SLC35F3: variants seen among roughly 807,000 people sequenced by gnomAD.
SLC35F3 encodes putative thiamine transporter SLC35F3.
Under a neutral mutation model 49.9 loss-of-function variants are expected in SLC35F3, and 25 were observed. The observed-to-expected ratio is 0.50, with a 90% CI of 0.37 to 0.70. SLC35F3 has a LOEUF of 0.70. Ranked by LOEUF, SLC35F3 falls within the 30% of genes least tolerant of loss-of-function variation. The pLI is 0.00. For missense variants in SLC35F3, 525 were observed against 639.8 expected, an observed-to-expected ratio of 0.82 and a Z score of 1.94; for synonymous variants, 275 against 265.4, an observed-to-expected ratio of 1.04 and a Z score of -0.35.
chr1:234,210,826 C>T (rs1667036716), intron 2 of SLC35F3, among the ~76,000 whole-genome samples: 1 of 152,218 alleles, frequency 6.6e-6, no homozygotes, highest in Non-Finnish European at 1.5e-5. Context: ...AAGCCAACTG[C>T]AGAAATTTGC....
chr1:233,922,486 CTTTTTT>C (rs35271789), intron 2 of SLC35F3, among the ~76,000 whole-genome samples: 9 of 112,332 alleles, frequency 8.0e-5, no homozygotes, highest in African/African-American at 2.9e-4. Flanking sequence ...TTTTGATGGC[CTTTTTT>C]TTTTTTTTTT....
At chr1:234,022,217 C>A (rs1663906773) in intron 2 of SLC35F3, among the ~76,000 whole-genome samples, 1 of 115,410 alleles carries the variant, frequency 8.7e-6, no homozygotes, top group Admixed American at 8.8e-5. Flanking sequence ...GGGGTCACTC[C>A]CTGTATTAGT....
chr1:234,077,154 G>A (rs1664805133), intron 2 of SLC35F3, among the ~76,000 whole-genome samples: 2 of 151,422 alleles, frequency 1.3e-5, no homozygotes, highest in African/African-American at 4.9e-5. Context: ...ACAGGCGCCC[G>A]CCACCGCGCC....
intron 2 of SLC35F3, among the ~76,000 whole-genome samples, chr1:234,186,011 A>G (rs780469848): frequency 6.6e-6 from 1 of 152,196 alleles, no homozygotes; most frequent in Non-Finnish European, 1.5e-5. Flanking sequence ...AGTGCCGCGT[A>G]GACAGTTTGT....
Position 234,086,897 on chromosome 1 carries a change from T to C in SLC35F3, c.284-144520T>C, listed in dbSNP as rs1664969725. On this transcript the variant is annotated intron_variant, in intron 2 of 7. Coordinates refer to ENST00000366618, the MANE Select transcript of SLC35F3 (RefSeq NM_173508.4). ...CAAATTCTGACTTATCGTCCCTGCC[T>C]TGACAACATGTGAATAAATTTCTGA... is the stretch of plus-strand genomic sequence containing the variant. Among the ~76,000 whole-genome samples the C allele has an allele frequency of 6.6e-5, 10 of 152,334 alleles. No homozygotes were observed. In the South Asian group the frequency reaches 2.1e-3, roughly 32 times the overall value.
chr1:234,191,385 C>T (rs910747879), intron 2 of SLC35F3, among the ~76,000 whole-genome samples: 2 of 151,976 alleles, frequency 1.3e-5, no homozygotes, highest in Non-Finnish European at 2.9e-5. Flanking sequence ...AAATTTAAAA[C>T]CTTTGAACTA....
intron 2 of SLC35F3, among the ~76,000 whole-genome samples, chr1:234,137,405 A>AATG (rs2102901216): frequency 6.6e-6 from 1 of 152,350 alleles, no homozygotes; most frequent in South Asian, 2.1e-4. Flanking sequence ...ATCAAAGAGC[A>AATG]ATCATTGACT....
chr1:234,059,637 GACATAGACA>G (rs1167884259), intron 2 of SLC35F3, among the ~76,000 whole-genome samples: 1 of 114,710 alleles, frequency 8.7e-6, no homozygotes, highest in Non-Finnish European at 2.2e-5. Flanking sequence ...CATAGACATA[GACATAGACA>G]TAGACATAGA....
At chr1:234,294,281 C>T (rs1013731276) in intron 3 of SLC35F3, among the ~76,000 whole-genome samples, 6 of 152,188 alleles carry the variant, frequency 3.9e-5, no homozygotes, top group South Asian at 2.1e-4. Flanking sequence ...GCCGAAGCAA[C>T]GAAGGAACCA....
chr1:234,135,135 T>C (rs939279154), intron 2 of SLC35F3, among the ~76,000 whole-genome samples: 39 of 152,116 alleles, frequency 2.6e-4, no homozygotes, highest in African/African-American at 9.2e-4. Flanking sequence ...GAGACTTAAA[T>C]AGAGTGAAGG....
At chr1:234,176,177 G>A (rs1043298585) in intron 2 of SLC35F3, among the ~76,000 whole-genome samples, 3 of 152,084 alleles carry the variant, frequency 2.0e-5, no homozygotes, top group African/African-American at 4.8e-5. Context: ...AAATTCTGCC[G>A]CCAAGAAGCT....
chr1:234,157,984 G>A (rs6586372), intron 2 of SLC35F3, among the ~76,000 whole-genome samples: 20,654 of 152,076 alleles, frequency 0.14, 4,438 homozygotes, highest in African/African-American at 0.46. Flanking sequence ...TTGACTCTTA[G>A]CTTGTTTCAC....
intron 4 of SLC35F3, among the ~76,000 whole-genome samples, chr1:234,312,357 C>T (rs1167165005): frequency 1.3e-5 from 2 of 152,200 alleles, no homozygotes; most frequent in African/African-American, 4.8e-5. Context: ...CAAACCCCAG[C>T]GGCACATTCC....
intron 2 of SLC35F3, among the ~76,000 whole-genome samples, chr1:234,030,107 A>G (rs2102847646): frequency 6.6e-6 from 1 of 152,354 alleles, no homozygotes; most frequent in South Asian, 2.1e-4. Flanking sequence ...CTTCTGAAAT[A>G]TGATTCACTC....
intron 2 of SLC35F3, among the ~76,000 whole-genome samples, chr1:233,962,278 T>G (rs949951599): frequency 2.2e-4 from 34 of 152,238 alleles, no homozygotes; most frequent in African/African-American, 6.8e-4. Context: ...ATCTGTATTC[T>G]TCAAGAATGT....
chr1:233,986,154 A>G (rs907183107), intron 2 of SLC35F3, among the ~76,000 whole-genome samples: 7 of 152,226 alleles, frequency 4.6e-5, no homozygotes, highest in African/African-American at 1.4e-4. Flanking sequence ...ATATATATGC[A>G]GTAATGTTAG....
At chr1:234,056,192 T>C (rs1322948496) in intron 2 of SLC35F3, among the ~76,000 whole-genome samples, 1 of 152,054 alleles carries the variant, frequency 6.6e-6, no homozygotes, top group Non-Finnish European at 1.5e-5. Flanking sequence ...ACTTTATTGG[T>C]TCATTTTTAT....
intron 2 of SLC35F3, among the ~76,000 whole-genome samples, chr1:233,973,644 C>G (rs1663029424): frequency 1.3e-5 from 2 of 152,108 alleles, no homozygotes; most frequent in African/African-American, 2.4e-5. Context: ...AAAGGCTAAG[C>G]GAGATGTATG....
At chr1:234,269,665 A>C (rs1668066715) in intron 3 of SLC35F3, among the ~76,000 whole-genome samples, 1 of 152,126 alleles carries the variant, frequency 6.6e-6, no homozygotes. Context: ...TGCGGGGCCT[A>C]ATGGGAGATG....
Sources: allele counts gnomAD v4.1 joint callset (sites outside exome capture counted in the v4.1 genomes callset), GRCh38; gene constraint gnomAD v4.1.1; transcripts MANE v1.5; gene names NCBI Gene and HGNC (gene_info 2026-07-23, HGNC 2026-07-21).